GAK: variants seen among roughly 807,000 people sequenced by gnomAD.
GAK encodes the protein cyclin-G-associated kinase.
GAK carries 79 observed loss-of-function variants against 143.9 expected under a neutral mutation model. The observed-to-expected ratio is 0.55, with a 90% CI of 0.46 to 0.66. GAK has a LOEUF of 0.66. Ranked by LOEUF, GAK falls within the 30% of genes least tolerant of loss-of-function variation. The pLI is 0.00. For missense variants in GAK, 1,693 were observed against 1,779.7 expected (o/e 0.95, Z 0.88); for synonymous variants, 881 against 765.5 (o/e 1.15, Z -2.49).
At chr4:900,194 C>A (rs942885815) in intron 5 of GAK, among the ~76,000 whole-genome samples, 3 of 151,948 alleles carry the variant, frequency 2.0e-5, no homozygotes, top group Non-Finnish European at 4.4e-5. Flanking sequence ...ATGCACAGGG[C>A]AGGCGAGTGG....
intron 18 of GAK, among the ~76,000 whole-genome samples, chr4:874,619 C>G (rs1161743412): frequency 6.6e-6 from 1 of 151,862 alleles, no homozygotes; most frequent in Non-Finnish European, 1.5e-5. Flanking sequence ...CGGGTTCCAG[C>G]AATTCAACCA....
At chr4:929,620 G>A (rs112013038) in intron 1 of GAK, among the ~76,000 whole-genome samples, 1,555 of 151,824 alleles carry the variant, frequency 0.01, 28 homozygotes, top group African/African-American at 0.033. Context: ...TCGGGAGGCC[G>A]AGGCAGGAAG....
At chr4:862,669 AAAG>A (rs1357366946) in intron 23 of GAK, among the ~76,000 whole-genome samples, 1 of 152,154 alleles carries the variant, frequency 6.6e-6, no homozygotes, top group Non-Finnish European at 1.5e-5. Context: ...AAAAAAAAAA[AAAG>A]GATTCTAAAT....
At chr4:882,471 G>A (rs910574173) in intron 14 of GAK, among the ~76,000 whole-genome samples, 9 of 152,180 alleles carry the variant, frequency 5.9e-5, no homozygotes, top group African/African-American at 1.7e-4. Context: ...GCCTCCACAC[G>A]GGCATGCAGG....
intron 11 of GAK, chr4:888,273 C>T (rs886153839): frequency 3.9e-5 from 6 of 152,436 alleles, no homozygotes; most frequent in African/African-American, 1.4e-4. Flanking sequence ...CGTTCAGCTC[C>T]TCAGAAGAGC....
intron 8 of GAK, 84 bp downstream of exon 8, chr4:893,790 C>T (rs1718163906): frequency 5.5e-6 from 8 of 1,452,842 alleles, no homozygotes; most frequent in African/African-American, 2.9e-5. Context: ...GTGAGCAGTG[C>T]CCCAAGGGGA....
chr4:853,267 C>T (rs1444709989), intron 24 of GAK: 3 of 152,310 alleles, frequency 2.0e-5, no homozygotes, highest in Admixed American at 1.3e-4. Context: ...CCTATTGAAC[C>T]GTTCACCTGT....
intron 1 of GAK, among the ~76,000 whole-genome samples, chr4:918,324 G>A (rs1298912325): frequency 6.6e-6 from 1 of 152,246 alleles, no homozygotes; most frequent in Non-Finnish European, 1.5e-5. Flanking sequence ...TCAGAAACAA[G>A]GCAAGATGTC....
At chr4:903,674 G>C (rs117111513) in intron 5 of GAK, among the ~76,000 whole-genome samples, 1 of 139,694 alleles carries the variant, frequency 7.2e-6, no homozygotes, top group African/African-American at 2.5e-5. Context: ...GTGAGCAGGA[G>C]TGCGGGGCCT....
chr4:907,809 G>A (rs1577264964), intron 4 of GAK, among the ~76,000 whole-genome samples: 1 of 152,228 alleles, frequency 6.6e-6, no homozygotes, highest in African/African-American at 2.4e-5. Context: ...CATCCACAGA[G>A]CCCTGCAGCT....
intron 1 of GAK, among the ~76,000 whole-genome samples, chr4:917,163 C>T (rs1312629607): frequency 3.9e-5 from 6 of 152,212 alleles, no homozygotes; most frequent in Middle Eastern, 3.2e-3. Context: ...AGTACATACA[C>T]ACATACAGTC....
chr4:884,068 C>T lies in GAK; in HGVS notation c.1224G>A (p.Leu408=), dbSNP rs999953335. The T allele has an allele frequency of 4.3e-6, 7 of 1,613,670 alleles. No homozygotes were observed. The highest frequency in any genetic ancestry group is 2.7e-5 in the African/African-American group (2 of 74,940). ...QSVANYAKGD[L]DISYITSRIA... ...TTCTGGATGTGATGTAAGATATGTC[C>T]AGGTCACCCTTTGCATAACTGGAAT... The change falls in exon 12 of 28, where the codon CTG becomes CTA. Residue 408 remains leucine, a synonymous_variant. Transcript: ENST00000314167.
Position 903,713 on chromosome 4 carries a change from G to A in GAK, c.525+924C>T, listed in dbSNP as rs1031545237. Among the ~76,000 whole-genome samples, 9 of 146,794 alleles carry A rather than the reference G, an allele frequency of 6.1e-5. No homozygotes were observed. In the South Asian group the frequency reaches 1.1e-3, roughly 17 times the overall value. ...GTGACACCACCGGGGGGCGGTGGGG[G>A]GGCGGCCGAGGAAGGAGTGTGGGGT... On this transcript the variant is annotated intron_variant, in intron 5 of 27. Coordinates refer to ENST00000314167, the MANE Select transcript of GAK (RefSeq NM_005255.4).
rs780993203 is a variant in GAK, at chr4:877,748, T to C, written c.1723A>G (p.Ile575Val). 1.4e-5 allele frequency: 22 copies of C among 1,612,942 alleles called. No individual in the cohort carries two copies. The highest frequency in any genetic ancestry group is 1.9e-5 in the Non-Finnish European group (22 of 1,179,804). ...EEPITPHSKP[I>V]LVRAVVMTPV... ...GTCATGACCACGGCCCTCACCAGGATGGGCTTGCTGTGGGGTGTGATGGGC... is the reference window on the plus strand; with the variant it reads ...GTCATGACCACGGCCCTCACCAGGACGGGCTTGCTGTGGGGTGTGATGGGC... Residue 575 changes from isoleucine (I) to valine (V), a missense_variant, in exon 16 of 28, where the codon ATC (isoleucine) becomes GTC (valine). By Grantham distance (29) the Ile-to-Val change is conservative. Coordinates refer to ENST00000314167, the MANE Select transcript of GAK (RefSeq NM_005255.4).
intron 18 of GAK, chr4:872,238 C>A (rs1171786725): frequency 6.6e-6 from 1 of 152,310 alleles, no homozygotes; most frequent in Non-Finnish European, 1.5e-5. Flanking sequence ...GGGAGAGCAC[C>A]CTGTGCCCGC....
At chr4:916,067 T>C (rs1723051937) in intron 1 of GAK, among the ~76,000 whole-genome samples, 1 of 152,146 alleles carries the variant, frequency 6.6e-6, no homozygotes, top group Non-Finnish European at 1.5e-5. Flanking sequence ...TGCCCAAGGT[T>C]AGGCAGTGAT....
intron 23 of GAK, among the ~76,000 whole-genome samples, chr4:864,748 G>T (rs1446908262): frequency 6.6e-6 from 1 of 152,140 alleles, no homozygotes; most frequent in African/African-American, 2.4e-5. Context: ...ACCCCTTCAG[G>T]AGGGAAGAGC....
At chr4:908,325 C>T (rs1176895364) in intron 4 of GAK, among the ~76,000 whole-genome samples, 1 of 152,128 alleles carries the variant, frequency 6.6e-6, no homozygotes, top group African/African-American at 2.4e-5. Context: ...GCATCCACAC[C>T]AGGAAAACCA....
intron 18 of GAK, among the ~76,000 whole-genome samples, chr4:871,438 C>T (rs960790546): frequency 6.6e-5 from 10 of 152,366 alleles, no homozygotes; most frequent in Admixed American, 1.3e-4. Flanking sequence ...ATAAAAATGA[C>T]GACGTCCGCC....
Sources: allele counts gnomAD v4.1 joint callset (sites outside exome capture counted in the v4.1 genomes callset), GRCh38; gene constraint gnomAD v4.1.1; transcripts MANE v1.5; gene names NCBI Gene and HGNC (gene_info 2026-07-23, HGNC 2026-07-21).